DISC1: variants seen among roughly 807,000 people sequenced by gnomAD.
DISC1 encodes the protein DISC1 scaffold protein.
DISC1 carries 57 observed loss-of-function variants against 84.5 expected under a neutral mutation model. The observed-to-expected ratio is 0.67, with a 90% CI of 0.55 to 0.84. The LOEUF (loss-of-function observed/expected upper bound fraction) is 0.84, where lower values mean the gene tolerates loss of function less well. Ranked by LOEUF, DISC1 falls within the 40% of genes least tolerant of loss-of-function variation. DISC1 has a pLI of 0.00. For synonymous variants in DISC1, 411 were observed against 415.2 expected, an observed-to-expected ratio of 0.99 and a Z score of 0.12; for missense variants, 1,000 against 1,057.8, an observed-to-expected ratio of 0.95 and a Z score of 0.76.
chr1:231,706,699 C>A (rs2067138616), intron 3 of DISC1, among the ~76,000 whole-genome samples: 1 of 152,142 alleles, frequency 6.6e-6, no homozygotes, highest in Non-Finnish European at 1.5e-5. Context: ...TATGACAGAA[C>A]TCTAGTATAA....
intron 6 of DISC1, among the ~76,000 whole-genome samples, chr1:231,792,516 A>T (rs1185303029): frequency 6.6e-6 from 1 of 152,226 alleles, no homozygotes. Flanking sequence ...ATACTATTAA[A>T]TGCTCATATA....
At chr1:231,903,111 G>C (rs1571933413) in intron 9 of DISC1, among the ~76,000 whole-genome samples, 1 of 150,538 alleles carries the variant, frequency 6.6e-6, no homozygotes, top group Admixed American at 6.6e-5. Context: ...GCCTAGGCTG[G>C]AGTGCAGTGG....
intron 3 of DISC1, among the ~76,000 whole-genome samples, chr1:231,741,344 A>G (rs2073243924): frequency 6.6e-6 from 1 of 152,220 alleles, no homozygotes; most frequent in Non-Finnish European, 1.5e-5. Context: ...TTAAGACTTG[A>G]TGAGATTTAT....
At chr1:232,010,689 A>G (rs1443841568) in intron 11 of DISC1, among the ~76,000 whole-genome samples, 2 of 152,246 alleles carry the variant, frequency 1.3e-5, no homozygotes, top group Non-Finnish European at 2.9e-5. Context: ...CCAAAGCAAC[A>G]GAAACCAGTG....
intron 1 of DISC1, among the ~76,000 whole-genome samples, chr1:231,628,221 G>A (rs931875518): frequency 2.6e-5 from 4 of 152,174 alleles, no homozygotes; most frequent in African/African-American, 7.2e-5. Flanking sequence ...CTGTGCCACA[G>A]AGCAAAAAGA....
intron 4 of DISC1, among the ~76,000 whole-genome samples, chr1:231,757,380 G>A (rs1385972040): frequency 6.6e-6 from 1 of 152,194 alleles, no homozygotes; most frequent in Non-Finnish European, 1.5e-5. Context: ...TTAAGAAGCT[G>A]TAAACATCCA....
In DISC1 at chr1:231,742,019, C is replaced by T. The variant is rs1029283254; in HGVS notation, c.1118-7907C>T. 2.6e-5 allele frequency among the ~76,000 whole-genome samples: 4 copies of T among 152,276 alleles called. No individual in the cohort carries two copies. In the South Asian group the frequency reaches 8.3e-4, roughly 32 times the overall value. ...ACATGAGCTAGATCATGCCAGTCCTCTGCTCAGAACCCTTCAGTGGCTCTC... is the reference window on the plus strand; with the variant it reads ...ACATGAGCTAGATCATGCCAGTCCTTTGCTCAGAACCCTTCAGTGGCTCTC... On this transcript the variant is annotated intron_variant, in intron 3 of 12. Transcript: ENST00000439617.
chr1:231,801,693 A>G (rs1186039507), intron 8 of DISC1, among the ~76,000 whole-genome samples: 1 of 152,174 alleles, frequency 6.6e-6, no homozygotes, highest in Non-Finnish European at 1.5e-5. Context: ...AAGGTGGTCA[A>G]CATTTGTTTG....
chr1:231,881,034 G>C (rs956453980), intron 9 of DISC1, among the ~76,000 whole-genome samples: 6 of 152,138 alleles, frequency 3.9e-5, no homozygotes, highest in African/African-American at 1.4e-4. Context: ...GATTAGCGCC[G>C]AGTGTGCTGC....
At chr1:231,972,956 C>A (rs2102829370) in intron 10 of DISC1, among the ~76,000 whole-genome samples, 1 of 152,248 alleles carries the variant, frequency 6.6e-6, no homozygotes. Flanking sequence ...CTTTCCTCTA[C>A]AACCTGACCC....
chr1:231,703,406 G>A (rs900958673), intron 3 of DISC1, among the ~76,000 whole-genome samples: 7 of 152,222 alleles, frequency 4.6e-5, no homozygotes, highest in African/African-American at 1.7e-4. Flanking sequence ...CTATTCCTGG[G>A]CCAGGGCTCA....
rs182671419 is a variant in DISC1, at chr1:231,637,096, T to C, written c.67+10162T>C. ...TGTGTTAGTTTGCTGAGAATGATGGTTTCCAGCTTCATCCATGTCCCTGCA... is the reference window on the plus strand; with the variant it reads ...TGTGTTAGTTTGCTGAGAATGATGGCTTCCAGCTTCATCCATGTCCCTGCA... On this transcript the variant is annotated intron_variant, in intron 1 of 12. Transcript: ENST00000439617. 3.9e-5 allele frequency among the ~76,000 whole-genome samples: 6 copies of C among 152,264 alleles called. No individual in the cohort carries two copies. In the East Asian group the frequency reaches 9.7e-4, roughly 25 times the overall value.
At position 231,929,530 on chromosome 1, in the gene DISC1, G is replaced by A. The variant is rs142157197; in HGVS notation, c.1982-29298G>A. The stretch of plus-strand genomic sequence containing the variant: ...GCTTAATGAGCCCTCATGGCACTGC[G>A]CTGCCTCAGAGCACGGCCGCAGCTT... On this transcript the variant is annotated intron_variant, in intron 9 of 12. Transcript: ENST00000439617. Among the ~76,000 whole-genome samples the A allele has an allele frequency of 1.6e-3, 243 of 152,272 alleles. 1 individual carries two copies. The highest frequency in any genetic ancestry group is 5.6e-3 in the African/African-American group (231 of 41,554).
intron 11 of DISC1, 145 bp from the exon 12 acceptor site, chr1:232,026,290 G>A (rs1206345126): frequency 8.1e-6 from 5 of 617,750 alleles, no homozygotes; most frequent in Non-Finnish European, 1.2e-5. Context: ...AACTTCTCAA[G>A]TTTGATACCC....
Position 231,845,403 on chromosome 1 carries a change from G to C in DISC1, c.1981+26886G>C, listed in dbSNP as rs143311152. ...GAGTGAATGGGAGGAAGGCCGGCGG[G>C]GGGAGGTTTGAGGAGAGTGGGGAAA... On this transcript the variant is annotated intron_variant, in intron 9 of 12. Coordinates refer to ENST00000439617, the MANE Select transcript of DISC1 (RefSeq NM_018662.3). Among the ~76,000 whole-genome samples the C allele has an allele frequency of 5.7e-3, 875 of 152,304 alleles. 8 individuals are homozygous for C. Among genetic ancestry groups the C allele is most frequent in the African/African-American group, 0.02 (821 of 41,576 alleles).
intron 9 of DISC1, among the ~76,000 whole-genome samples, chr1:231,834,821 G>A (rs1198570673): frequency 6.6e-6 from 1 of 152,128 alleles, no homozygotes; most frequent in Non-Finnish European, 1.5e-5. Context: ...CAAGGCAGGC[G>A]TCCCTGCATG....
chr1:231,714,145 G>C (rs111566324), intron 3 of DISC1, among the ~76,000 whole-genome samples: 1 of 151,902 alleles, frequency 6.6e-6, no homozygotes, highest in Admixed American at 6.6e-5. Context: ...ATTTATAATA[G>C]CATTTAAAAT....
In DISC1 at chr1:231,826,893, T is replaced by G. The variant is rs2125799700; in HGVS notation, c.1981+8376T>G. Among the ~76,000 whole-genome samples the G allele has an allele frequency of 6.6e-6, 1 of 152,390 alleles. No homozygotes were observed. The highest frequency in any genetic ancestry group is 1.9e-4 in the East Asian group (1 of 5,190). On this transcript the variant is annotated intron_variant, in intron 9 of 12. Coordinates refer to ENST00000439617, the MANE Select transcript of DISC1 (RefSeq NM_018662.3). The surrounding 1 kb of genome is among the most constrained non-coding windows in gnomAD (Gnocchi z 4.2). ...CTGTTTGCTTTTAAGAATTTACTAA[T>G]TTGTCATCCTTTTGATTACAAGGAA...
chr1:232,036,116 C>T (rs1670494350), intron 12 of DISC1, among the ~76,000 whole-genome samples: 1 of 152,132 alleles, frequency 6.6e-6, no homozygotes, highest in South Asian at 2.1e-4. Context: ...CAGGTTAGAG[C>T]CTGGAGAGGT....
Sources: gnomAD v4.1 joint callset for allele counts (sites outside exome capture counted in the v4.1 genomes callset) on GRCh38, gnomAD v4.1.1 for gene constraint, Gnocchi (gnomAD v3.1) non-coding constraint, MANE v1.5 for transcripts, NCBI Gene and HGNC (gene_info 2026-07-23, HGNC 2026-07-21) for gene names.